Variants in CNGA3 observed in about 807,000 individuals in gnomAD.
CNGA3 encodes cyclic nucleotide-gated channel alpha-3.
In CNGA3, 42 loss-of-function variants were observed where a neutral mutation model predicts 46.6. That is an observed-to-expected ratio of 0.90 (90% confidence interval 0.70 to 1.17). CNGA3 has a LOEUF of 1.17. Ranked by LOEUF, CNGA3 falls within the 50% of genes most tolerant of loss-of-function variation. The pLI, the probability that CNGA3 is intolerant of heterozygous loss-of-function variation, is 0.00. For synonymous variants in CNGA3, 394 were observed against 369.4 expected, an observed-to-expected ratio of 1.07 and a Z score of -0.76; for missense variants, 893 against 890.7, an observed-to-expected ratio of 1.00 and a Z score of -0.03.
intron 3 of CNGA3, 145 bp from the exon 4 acceptor site, chr2:98,380,030 G>T: frequency 1.1e-6 from 1 of 950,476 alleles, no homozygotes; most frequent in Non-Finnish European, 1.6e-6. Flanking sequence ...CCCAGCACCC[G>T]TACCCTGCTG....
chr2:98,357,630 T>C (rs1574360171), intron 1 of CNGA3, among the ~76,000 whole-genome samples: 1 of 152,228 alleles, frequency 6.6e-6, no homozygotes, highest in East Asian at 1.9e-4. Context: ...TGGGACATCA[T>C]TGGCAAGGAG....
chr2:98,377,546 A>G, intron 2 of CNGA3, 141 bp from the exon 3 acceptor site: 1 of 772,064 alleles, frequency 1.3e-6, no homozygotes, highest in Non-Finnish European at 2.2e-6. Context: ...AGGCAAAGGG[A>G]AGTGGGGAGC....
At chr2:98,375,812 C>T (rs1434797262) in intron 2 of CNGA3, among the ~76,000 whole-genome samples, 1 of 151,970 alleles carries the variant, frequency 6.6e-6, no homozygotes, top group Admixed American at 6.6e-5. Flanking sequence ...TGGATGACAG[C>T]AAGTTTTGAA....
At chr2:98,379,480 C>T (rs1180682475) in intron 3 of CNGA3, among the ~76,000 whole-genome samples, 2 of 152,148 alleles carry the variant, frequency 1.3e-5, no homozygotes, top group South Asian at 2.1e-4. Context: ...CTCTCAGGCC[C>T]GTGTGTCTCA....
At chr2:98,372,609 G>A (rs1197219472) in intron 2 of CNGA3, among the ~76,000 whole-genome samples, 1 of 152,146 alleles carries the variant, frequency 6.6e-6, no homozygotes, top group East Asian at 1.9e-4. Context: ...ATGAAAAGTT[G>A]CTCAGTGGCT....
intron 2 of CNGA3, 31 bp from the exon 3 acceptor site, chr2:98,377,656 A>G (rs1289571197): frequency 6.3e-7 from 1 of 1,590,998 alleles, no homozygotes; most frequent in Non-Finnish European, 8.6e-7. Flanking sequence ...GCTTGAAATC[A>G]ATTCTGCTTG....
chr2:98,391,530 G>A (rs1692788115), intron 6 of CNGA3, among the ~76,000 whole-genome samples: 1 of 152,198 alleles, frequency 6.6e-6, no homozygotes, highest in African/African-American at 2.4e-5. Context: ...CCCAGAAAGG[G>A]CAGGTCTTTA....
intron 1 of CNGA3, among the ~76,000 whole-genome samples, chr2:98,360,707 T>C (rs975173906): frequency 4.6e-5 from 7 of 151,362 alleles, no homozygotes; most frequent in African/African-American, 1.7e-4. Context: ...CGGGGGGAGG[T>C]GGGAGACAAG....
chr2:98,387,982 G>A (rs542776629), intron 5 of CNGA3, among the ~76,000 whole-genome samples: 62 of 152,144 alleles, frequency 4.1e-4, no homozygotes, highest in Non-Finnish European at 8.4e-4. Context: ...CTTCCCAGGA[G>A]CTCATGAAAA....
chr2:98,351,178 C>T (rs1010345221), intron 1 of CNGA3: 1 of 152,246 alleles, frequency 6.6e-6, no homozygotes, highest in African/African-American at 2.4e-5. Flanking sequence ...AGCTTAAAAG[C>T]TTGCAGGCTC....
Position 98,397,771 on chromosome 2 carries a change from T to C in CNGA3, c.*516T>C, listed in dbSNP as rs886056492. The C allele has an allele frequency of 1.7e-4, 28 of 166,808 alleles. 1 individual carries two copies. The highest frequency in any genetic ancestry group is 7.2e-4 in the Admixed American group (13 of 18,114). The allele number at this position is 166,808 out of a possible 1,614,324, so 10.3% of individuals were successfully genotyped here. ...TCTTAATCTGGTATCACCTCGTGTG[T>C]TCTTTGGGGCCCTAGAAACCCTGGC... On this transcript the variant is annotated 3_prime_UTR_variant, in exon 8 of 8. Coordinates refer to ENST00000272602, the MANE Select transcript of CNGA3 (RefSeq NM_001298.3).
intron 1 of CNGA3, among the ~76,000 whole-genome samples, chr2:98,367,185 C>CTTTTTTTTT (rs558997785): frequency 9.8e-4 from 93 of 95,212 alleles, no homozygotes; most frequent in South Asian, 1.9e-3. Flanking sequence ...TCTTTTTTTT[C>CTTTTTTTTT]TTTTTTTTTT....
At chr2:98,393,895 C>T (rs911885248) in intron 7 of CNGA3, among the ~76,000 whole-genome samples, 5 of 151,804 alleles carry the variant, frequency 3.3e-5, no homozygotes, top group Admixed American at 2.0e-4. Context: ...CCCTCAGTAA[C>T]GCATGTATAA....
chr2:98,350,060 T>C (rs1462718418), intron 1 of CNGA3, among the ~76,000 whole-genome samples: 5 of 152,232 alleles, frequency 3.3e-5, no homozygotes, highest in Non-Finnish European at 7.3e-5. Flanking sequence ...GAGTGCTTCT[T>C]TTGTCCTCCT....
At chr2:98,386,226 T>C (rs958461745) in intron 5 of CNGA3, among the ~76,000 whole-genome samples, 3 of 152,208 alleles carry the variant, frequency 2.0e-5, no homozygotes, top group African/African-American at 7.2e-5. Context: ...GTAAACAGGT[T>C]ACCTCATATG....
chr2:98,367,176 C>CTTTTT lies in CNGA3; in HGVS notation c.-37-2759_-37-2755dup, dbSNP rs1182363811. ...ACCTCTGACATCAGCTGTTTTTTTT[C>CTTTTT]TTTTTTTTCTTTTTTTTTTTTTTTT... On this transcript the variant is annotated intron_variant, in intron 1 of 7. Coordinates refer to ENST00000272602, the MANE Select transcript of CNGA3 (RefSeq NM_001298.3). Among the ~76,000 whole-genome samples, 395 of 115,462 alleles carry CTTTTT rather than the reference C, an allele frequency of 3.4e-3. 20 individuals are homozygous for CTTTTT. The highest frequency in any genetic ancestry group is 4.4e-3 in the African/African-American group (137 of 31,006). The allele number at this position is 115,462 out of a possible 152,430, so 75.7% of individuals were successfully genotyped here.
rs1691964850 is a variant in CNGA3 at position 98,359,213 on chromosome 2, GC to G, written c.-37-10725del. On this transcript the variant is annotated intron_variant, in intron 1 of 7. Coordinates refer to ENST00000272602, the MANE Select transcript of CNGA3 (RefSeq NM_001298.3). ...GGGATGGAAGAGTATATTCCCTCAG[GC>G]TCCTGCTTCTATTGGTCCAGGGTTG... 1.3e-5 allele frequency among the ~76,000 whole-genome samples: 2 copies of G among 152,184 alleles called. 1 individual carries two copies. The highest frequency in any genetic ancestry group is 4.8e-5 in the African/African-American group (2 of 41,432).
chr2:98,379,926 C>G, intron 3 of CNGA3: 1 of 577,572 alleles, frequency 1.7e-6, no homozygotes, highest in Non-Finnish European at 3.1e-6. Flanking sequence ...GAGAGTGTCC[C>G]TTTCCGGGGA....
At chr2:98,376,210 G>A (rs1412046961) in intron 2 of CNGA3, among the ~76,000 whole-genome samples, 1 of 152,088 alleles carries the variant, frequency 6.6e-6, no homozygotes, top group Non-Finnish European at 1.5e-5. Flanking sequence ...ACTGTAGCTG[G>A]TGACCATCAA....
Sources: allele counts gnomAD v4.1 joint callset (sites outside exome capture counted in the v4.1 genomes callset), GRCh38; gene constraint gnomAD v4.1.1; transcripts MANE v1.5; gene names NCBI Gene and HGNC (gene_info 2026-07-23, HGNC 2026-07-21).